Variants in RAPGEF1 observed in about 807,000 individuals in gnomAD.
RAPGEF1 encodes the protein Rap guanine nucleotide exchange factor 1.
A neutral mutation model predicts 143.3 loss-of-function variants in RAPGEF1; 33 were observed. That is an observed-to-expected ratio of 0.23 (90% CI 0.17 to 0.31). The LOEUF is 0.31. RAPGEF1 is among the 10% of genes least tolerant of loss of function. The pLI, the probability that RAPGEF1 is intolerant of heterozygous loss-of-function variation, is 1.00. For synonymous variants in RAPGEF1, 629 were observed against 676.5 expected (o/e 0.93, Z 1.09); for missense variants, 1,199 against 1,645.4 (o/e 0.73, Z 4.69).
intron 17 of RAPGEF1, among the ~76,000 whole-genome samples, chr9:131,593,365 A>C (rs1320422635): frequency 6.6e-6 from 1 of 152,220 alleles, no homozygotes; most frequent in African/African-American, 2.4e-5. Context: ...AATGTAGGAC[A>C]CTGCCTGAGC....
intron 25 of RAPGEF1, among the ~76,000 whole-genome samples, chr9:131,582,133 C>A (rs1344339150): frequency 6.6e-6 from 1 of 152,180 alleles, no homozygotes; most frequent in Non-Finnish European, 1.5e-5. Flanking sequence ...GCTCAGGAAG[C>A]ACTTTCTGAA....
rs372772375 is a variant in RAPGEF1 at position 131,596,356 on chromosome 9, G to A, written c.2631C>T (p.Asp877=). ...AGATGTCCCCAGATCCTCCGCGGACGTCCGGCCCGTCATCACCCTGTAATG... is the reference window on the plus strand; with the variant it reads ...AGATGTCCCCAGATCCTCCGCGGACATCCGGCCCGTCATCACCCTGTAATG... ...TLKQEGDDGP[D]VRGGSGDILL... The change falls in exon 17 of 27, where the codon GAC becomes GAT. Residue 877 remains aspartate, a synonymous_variant. Coordinates refer to ENST00000683357, the MANE Select transcript of RAPGEF1 (RefSeq NM_001377935.1). 7.4e-6 allele frequency: 12 copies of A among 1,613,876 alleles called. No individual in the cohort carries two copies. The highest frequency in any genetic ancestry group is 2.2e-5 in the South Asian group (2 of 91,084).
In RAPGEF1 at chr9:131,602,141, C is replaced by A; in HGVS notation, c.2421G>T (p.Pro807=). The A allele has an allele frequency of 6.3e-7, 1 of 1,588,306 alleles. No homozygotes were observed. The highest frequency in any genetic ancestry group is 2.3e-5 in the East Asian group (1 of 43,412). ...EELAPSRGEP[P]AGKDGHPRDP... is the part of the protein sequence containing the mutation. ...CTCTGGGATGTCCGTCTTTCCCAGCCGGTGGCTCCTGGAAAGAGGAGTGGG... is the reference window on the plus strand; with the variant it reads ...CTCTGGGATGTCCGTCTTTCCCAGCAGGTGGCTCCTGGAAAGAGGAGTGGG... The change falls in exon 15 of 27, where the codon CCG becomes CCT. Residue 807 remains proline, a synonymous_variant. Transcript: ENST00000683357.
intron 1 of RAPGEF1, among the ~76,000 whole-genome samples, chr9:131,713,400 G>A (rs1835647446): frequency 6.6e-6 from 1 of 152,132 alleles, no homozygotes; most frequent in Admixed American, 6.5e-5. Context: ...TAGTTGGAGG[G>A]CTGGATCCAG....
chr9:131,737,324 G>A, intron 1 of RAPGEF1: 1 of 1,605,562 alleles, frequency 6.2e-7, no homozygotes, highest in Non-Finnish European at 8.5e-7. Flanking sequence ...ATATATCTCA[G>A]CCCTCTCTTC....
chr9:131,619,347 C>T (rs1960039800), intron 11 of RAPGEF1, 141 bp from the exon 12 acceptor site: 1 of 715,018 alleles, frequency 1.4e-6, no homozygotes, highest in South Asian at 1.8e-5. Context: ...GCTTCTGGGC[C>T]CAGTTCAGGG....
chr9:131,603,181 C>T (rs868400243), intron 14 of RAPGEF1, among the ~76,000 whole-genome samples: 22 of 152,090 alleles, frequency 1.4e-4, no homozygotes, highest in Admixed American at 2.0e-4. Flanking sequence ...ACCACCTGAA[C>T]GGGTGTGACC....
chr9:131,663,870 T>C (rs1829998824), intron 1 of RAPGEF1, among the ~76,000 whole-genome samples: 1 of 152,218 alleles, frequency 6.6e-6, no homozygotes, highest in African/African-American at 2.4e-5. Context: ...CCCTAACAAA[T>C]TTTCACTGAA....
chr9:131,721,879 T>G (rs1836292567), intron 1 of RAPGEF1, among the ~76,000 whole-genome samples: 1 of 152,220 alleles, frequency 6.6e-6, no homozygotes, highest in Admixed American at 6.5e-5. Context: ...ATAGGTTATC[T>G]GCAAGTACTA....
chr9:131,590,464 C>T (rs755231163), intron 18 of RAPGEF1, among the ~76,000 whole-genome samples: 6 of 152,210 alleles, frequency 3.9e-5, no homozygotes, highest in Non-Finnish European at 8.8e-5. Context: ...CTCTCACCTC[C>T]GTGACACCGG....
chr9:131,657,658 G>A (rs529965938), intron 1 of RAPGEF1, among the ~76,000 whole-genome samples: 1 of 152,226 alleles, frequency 6.6e-6, no homozygotes, highest in South Asian at 2.1e-4. Flanking sequence ...CTGTGGCTGA[G>A]GCACTGAACT....
At chr9:131,727,134 C>T (rs903048045) in intron 1 of RAPGEF1, among the ~76,000 whole-genome samples, 2 of 152,178 alleles carry the variant, frequency 1.3e-5, no homozygotes, top group Non-Finnish European at 2.9e-5. Context: ...CAGCAGCTTA[C>T]AAGCCCCATT....
At chr9:131,615,124 G>A (rs973415901) in intron 12 of RAPGEF1, among the ~76,000 whole-genome samples, 1 of 152,210 alleles carries the variant, frequency 6.6e-6, no homozygotes, top group African/African-American at 2.4e-5. Flanking sequence ...CCAGGCTGGA[G>A]CGCAGTGGCG....
intron 5 of RAPGEF1, among the ~76,000 whole-genome samples, chr9:131,636,517 CAT>C: frequency 6.6e-6 from 1 of 152,210 alleles, no homozygotes; most frequent in Non-Finnish European, 1.5e-5. Flanking sequence ...GTAATGACTC[CAT>C]AGAGGAAATG....
intron 1 of RAPGEF1, among the ~76,000 whole-genome samples, chr9:131,651,895 A>G (rs1971165394): frequency 6.6e-6 from 1 of 152,254 alleles, no homozygotes; most frequent in Admixed American, 6.5e-5. Context: ...CTGAGGCTAC[A>G]CACCTGTACA....
In RAPGEF1 at chr9:131,625,971, G is replaced by A. The variant is rs772730908; in HGVS notation, c.1653C>T (p.Thr551=). The A allele has an allele frequency of 1.1e-5, 17 of 1,596,602 alleles. No homozygotes were observed. The highest frequency in any genetic ancestry group is 1.3e-5 in the African/African-American group (1 of 74,636). Residue 551 remains threonine, a synonymous_variant, in exon 10 of 27, where the codon ACC becomes ACT. Coordinates refer to ENST00000683357, the MANE Select transcript of RAPGEF1 (RefSeq NM_001377935.1). ...GAGGAGGTGGTTTTTCTGGGTCACC[G>A]GTTGACTCAGGAGCAGTAAAATCAC... ...FVGDFTAPES[T]GDPEKPPPLP...
intron 1 of RAPGEF1, among the ~76,000 whole-genome samples, chr9:131,673,875 G>A (rs116618460): frequency 3.8e-4 from 58 of 152,278 alleles, no homozygotes; most frequent in African/African-American, 1.3e-3. Flanking sequence ...AGACGGTTCC[G>A]TTCTGCAGCT....
At chr9:131,596,081 G>A (rs1955233716) in intron 17 of RAPGEF1, among the ~76,000 whole-genome samples, 1 of 152,194 alleles carries the variant, frequency 6.6e-6, no homozygotes, top group African/African-American at 2.4e-5. Flanking sequence ...TCACTACCTT[G>A]TACCAGCGGA....
intron 1 of RAPGEF1, among the ~76,000 whole-genome samples, chr9:131,694,815 T>A (rs1487513764): frequency 7.0e-6 from 1 of 143,624 alleles, no homozygotes; most frequent in Non-Finnish European, 1.5e-5. Context: ...TTTTTTTTTA[T>A]ACTTTAAGTT....
Sources: gnomAD v4.1 joint callset for allele counts (sites outside exome capture counted in the v4.1 genomes callset) on GRCh38, gnomAD v4.1.1 for gene constraint, MANE v1.5 for transcripts, NCBI Gene and HGNC (gene_info 2026-07-23, HGNC 2026-07-21) for gene names.